The following ATP2B1 variants were observed in gnomAD, a reference collection of about 807,000 sequenced individuals.
ATP2B1 encodes the protein ATPase plasma membrane Ca2+ transporting 1.
In ATP2B1, 14 loss-of-function variants were observed where a neutral mutation model predicts 124.2. The observed-to-expected ratio is 0.11, with a 90% confidence interval of 0.07 to 0.18. The LOEUF (loss-of-function observed/expected upper bound fraction) is 0.18, where lower values mean the gene tolerates loss of function less well. Ranked by LOEUF, ATP2B1 falls within the 10% of genes least tolerant of loss-of-function variation. The probability of loss-of-function intolerance (pLI) is 1.00; values close to 1 mark genes in which losing one functional copy is unlikely to be tolerated. For missense variants in ATP2B1, 763 were observed against 1,466.1 expected (o/e 0.52, Z 7.83); for synonymous variants, 449 against 492.4 (o/e 0.91, Z 1.17).
rs571815591 is a variant in ATP2B1, at chr12:89,624,392, A to G, written c.1135T>C (p.Leu379=). Residue 379 remains leucine (L), a synonymous_variant, in exon 9 of 21, where the codon TTG becomes CTG. Coordinates refer to ENST00000428670, the MANE Select transcript of ATP2B1 (RefSeq NM_001366521.1). ...ATGATAACTGTGATGGCAGACATCA[A>G]CAGACCTTTCAGAATAGAAATGAAA... ...LAVQIGKAGL[L]MSAITVIILV... The G allele has an allele frequency of 6.2e-7, 1 of 1,611,330 alleles. No homozygotes were observed. Among genetic ancestry groups the G allele is most frequent in the African/African-American group, 1.3e-5 (1 of 74,944 alleles).
intron 1 of ATP2B1, among the ~76,000 whole-genome samples, chr12:89,669,458 G>T (rs1887685348): frequency 6.6e-6 from 1 of 152,164 alleles, no homozygotes; most frequent in African/African-American, 2.4e-5. Flanking sequence ...GATGATGACA[G>T]GTCCACAGCT....
chr12:89,685,041 A>G lies in ATP2B1; in HGVS notation c.-222+23555T>C, dbSNP rs148383476. Among the ~76,000 whole-genome samples, 260 of 152,230 alleles carry G rather than the reference A, an allele frequency of 1.7e-3. 1 individual carries two copies. Among genetic ancestry groups the G allele is most frequent in the African/African-American group, 6.0e-3 (249 of 41,554 alleles). ...AATTCCAAGCTTCAGGCACCAGTCT[A>G]CCTAATTTGTATTTCTCAATGTAGC... is the stretch of plus-strand genomic sequence containing the variant. On this transcript the variant is annotated intron_variant, in intron 1 of 20. Coordinates refer to ENST00000428670, the MANE Select transcript of ATP2B1 (RefSeq NM_001366521.1).
chr12:89,657,429 C>T lies in ATP2B1; in HGVS notation c.-221-1322G>A, dbSNP rs1025586406. ...ACAAGATGAAAATGCAGTCCCACTG[C>T]TGCTCATGACTGTCTGGCTCCATTT... On this transcript the variant is annotated intron_variant, in intron 1 of 20. Coordinates refer to ENST00000428670, the MANE Select transcript of ATP2B1 (RefSeq NM_001366521.1). Among the ~76,000 whole-genome samples the T allele has an allele frequency of 3.9e-5, 6 of 152,360 alleles. 1 individual carries two copies. The highest frequency in any genetic ancestry group is 6.5e-5 in the Admixed American group (1 of 15,302).
At chr12:89,602,383 A>G (rs140606285) in intron 18 of ATP2B1, among the ~76,000 whole-genome samples, 4 of 152,338 alleles carry the variant, frequency 2.6e-5, no homozygotes, top group African/African-American at 9.6e-5. Context: ...ATTAAAATCA[A>G]AAATAATTTT....
Position 89,697,772 on chromosome 12 carries a change from T to A in ATP2B1, c.-222+10824A>T, listed in dbSNP as rs994464881. Among the ~76,000 whole-genome samples, 7 of 150,174 alleles carry A rather than the reference T, an allele frequency of 4.7e-5. No homozygotes were observed. In the East Asian group the frequency reaches 1.4e-3, roughly 30 times the overall value. ...CAGTCCTCTTAGTCCCCCATCCCAT[T>A]TTCTACTCTGAAGCAACTAGGAAAA... On this transcript the variant is annotated intron_variant, in intron 1 of 20. Transcript: ENST00000428670.
At chr12:89,639,883 A>G (rs1242675589) in intron 3 of ATP2B1, among the ~76,000 whole-genome samples, 1 of 152,186 alleles carries the variant, frequency 6.6e-6, no homozygotes, top group African/African-American at 2.4e-5. Context: ...TTTGTTTTCT[A>G]AGAAAACTAA....
At chr12:89,622,369 T>G (rs550414220) in intron 9 of ATP2B1, among the ~76,000 whole-genome samples, 1 of 152,186 alleles carries the variant, frequency 6.6e-6, no homozygotes, top group East Asian at 1.9e-4. Context: ...TTAGCTATTC[T>G]ATATGCTGGC....
chr12:89,695,615 T>C (rs1392404024), intron 1 of ATP2B1, among the ~76,000 whole-genome samples: 1 of 152,106 alleles, frequency 6.6e-6, no homozygotes, highest in Non-Finnish European at 1.5e-5. Flanking sequence ...TAAGTTTAGA[T>C]GTCAAACTTC....
chr12:89,675,050 T>C (rs1245864127), intron 1 of ATP2B1, among the ~76,000 whole-genome samples: 2 of 152,194 alleles, frequency 1.3e-5, no homozygotes, highest in African/African-American at 4.8e-5. Context: ...ACTCGAGATA[T>C]TATGTATTAA....
intron 15 of ATP2B1, among the ~76,000 whole-genome samples, chr12:89,607,783 A>T (rs2135977630): frequency 6.6e-6 from 1 of 152,322 alleles, no homozygotes; most frequent in East Asian, 1.9e-4. Flanking sequence ...GAATCATGAC[A>T]AGAAAAAGTC....
At chr12:89,704,219 A>T (rs1167101022) in intron 1 of ATP2B1, among the ~76,000 whole-genome samples, 2 of 152,202 alleles carry the variant, frequency 1.3e-5, no homozygotes, top group Non-Finnish European at 2.9e-5. Context: ...TTTTATTTTT[A>T]TTCAAGATTT....
Position 89,655,788 on chromosome 12 carries a change from C to G in ATP2B1, c.99G>C (p.Glu33Asp). Residue 33 changes from glutamate (E) to aspartate (D), a missense_variant, in exon 2 of 21, where the codon GAG (glutamate) becomes GAC (aspartate). Glu to Asp is a conservative substitution (Grantham distance 45). Around this residue, in one of 7 missense-constraint regions of ATP2B1, gnomAD observed 93 missense variants for 112.7 expected, o/e 0.83. Transcript: ENST00000428670. Reference sequence around the variant, plus strand: ...ACCTGAGCTCCATGAGAGCCCGCAGCTCTGCGAGCGTAATTCCAAAGTCTC... The same window carrying G: ...ACCTGAGCTCCATGAGAGCCCGCAGGTCTGCGAGCGTAATTCCAAAGTCTC... ...HDGDFGITLA[E>D]LRALMELRST... The G allele has an allele frequency of 6.2e-7, 1 of 1,614,186 alleles. No individual in the cohort carries two copies. Among genetic ancestry groups the G allele is most frequent in the Non-Finnish European group, 8.5e-7 (1 of 1,180,010 alleles).
intron 2 of ATP2B1, among the ~76,000 whole-genome samples, chr12:89,646,802 GAAGAT>G (rs1884515513): frequency 6.6e-6 from 1 of 152,168 alleles, no homozygotes. Flanking sequence ...ATAAATCAGT[GAAGAT>G]GAGTTCAAAT....
chr12:89,683,872 GCAC>G (rs1889651589), intron 1 of ATP2B1, among the ~76,000 whole-genome samples: 1 of 152,056 alleles, frequency 6.6e-6, no homozygotes. Context: ...ATAAACCTTA[GCAC>G]TATGAAAATA....
intron 1 of ATP2B1, among the ~76,000 whole-genome samples, chr12:89,681,865 C>T (rs1311366395): frequency 6.6e-6 from 1 of 151,966 alleles, no homozygotes; most frequent in East Asian, 1.9e-4. Context: ...GCAAAGGATG[C>T]CTGCTAGTTC....
chr12:89,656,513 C>T lies in ATP2B1; in HGVS notation c.-221-406G>A, dbSNP rs530408807. ...AGACTTCAAGAAAGTGAGTTTTCTGCCCAGCTAACAAATGGCTGAAATGTC... is the reference window on the plus strand; with the variant it reads ...AGACTTCAAGAAAGTGAGTTTTCTGTCCAGCTAACAAATGGCTGAAATGTC... On this transcript the variant is annotated intron_variant, in intron 1 of 20. Coordinates refer to ENST00000428670, the MANE Select transcript of ATP2B1 (RefSeq NM_001366521.1). 9.9e-5 allele frequency among the ~76,000 whole-genome samples: 15 copies of T among 152,280 alleles called. No individual in the cohort carries two copies. In the East Asian group the frequency reaches 2.9e-3, roughly 29 times the overall value.
intron 1 of ATP2B1, among the ~76,000 whole-genome samples, chr12:89,677,037 CCAAA>C (rs1052761612): frequency 8.4e-5 from 8 of 95,304 alleles, no homozygotes; most frequent in African/African-American, 2.7e-4. Flanking sequence ...ACCACCACCA[CCAAA>C]CAAAGAAACA....
At chr12:89,630,781 A>ATATATATATAAG (rs1489524678) in intron 5 of ATP2B1, 136 bp from the exon 6 acceptor site, 1 of 243,404 alleles carries the variant, frequency 4.1e-6, no homozygotes, top group Non-Finnish European at 7.4e-6. Flanking sequence ...AAATATATAA[A>ATATATATATAAG]TATATATATA....
chr12:89,591,509 G>A (rs1592684151), intron 20 of ATP2B1, among the ~76,000 whole-genome samples: 2 of 147,684 alleles, frequency 1.4e-5, no homozygotes, highest in East Asian at 4.0e-4. Flanking sequence ...AAGAGGTAAA[G>A]AATTCAAAGT....
Sources: allele counts gnomAD v4.1 joint callset (sites outside exome capture counted in the v4.1 genomes callset), GRCh38; gene constraint gnomAD v4.1.1; regional missense constraint gnomAD v4.1.1; transcripts MANE v1.5; gene names NCBI Gene and HGNC (gene_info 2026-07-23, HGNC 2026-07-21).